The following ARNT2 variants were observed in gnomAD, a reference collection of about 807,000 sequenced individuals.
ARNT2 encodes ARNT protein 2.
In ARNT2, 36 loss-of-function variants were observed where a neutral mutation model predicts 91.7. The ratio of observed to expected loss-of-function variants is 0.39; its 90% CI spans 0.30 to 0.52. The LOEUF is 0.52. Among genes scored for constraint, ARNT2 ranks in the 20% least tolerant of loss-of-function variants. ARNT2 has a pLI of 0.72. For synonymous variants in ARNT2, 365 were observed against 347.1 expected (o/e 1.05, Z -0.57); for missense variants, 775 against 939.3 (o/e 0.83, Z 2.29).
At chr15:80,508,361 G>C (rs28413079) in intron 6 of ARNT2, 103 bp downstream of exon 6, 2 of 1,105,200 alleles carry the variant, frequency 1.8e-6, no homozygotes, top group Non-Finnish European at 1.4e-6. Context: ...ACATGCCAAC[G>C]TGGGTTCACT....
intron 2 of ARNT2, among the ~76,000 whole-genome samples, chr15:80,454,581 C>G (rs571367279): frequency 6.6e-6 from 1 of 152,328 alleles, no homozygotes; most frequent in African/African-American, 2.4e-5. Context: ...CTTTTATGTG[C>G]TAGCATTGCT....
chr15:80,415,724 A>G (rs1206728322), intron 1 of ARNT2, among the ~76,000 whole-genome samples: 1 of 152,218 alleles, frequency 6.6e-6, no homozygotes, highest in Non-Finnish European at 1.5e-5. Flanking sequence ...CAAGAGAGTA[A>G]GTGATGGACC....
chr15:80,524,731 T>C (rs369634006), intron 8 of ARNT2, among the ~76,000 whole-genome samples: 1,631 of 151,960 alleles, frequency 0.011, 20 homozygotes, highest in East Asian at 0.046. Flanking sequence ...AAAAATTAGC[T>C]GGGCGTGGTG....
rs541754310 is a variant in ARNT2, at chr15:80,579,305, A to T, written c.1614-1106A>T. ...AGAATGGGAAAGGAGCCCTTATGTT[A>T]AATGAGGAATTGATTGTATGAAGAC... is the stretch of plus-strand genomic sequence containing the variant. On this transcript the variant is annotated intron_variant, in intron 15 of 18. Coordinates refer to ENST00000303329, the MANE Select transcript of ARNT2 (RefSeq NM_014862.4). 4.6e-5 allele frequency among the ~76,000 whole-genome samples: 7 copies of T among 152,346 alleles called. No individual in the cohort carries two copies. The South Asian group carries it at 1.4e-3, about 32-fold the overall frequency.
chr15:80,520,024 G>A (rs779040423), intron 8 of ARNT2, among the ~76,000 whole-genome samples: 2 of 125,706 alleles, frequency 1.6e-5, no homozygotes, highest in Non-Finnish European at 1.7e-5. Context: ...TTAAATCTTT[G>A]TACCTATCTT....
chr15:80,429,196 A>G (rs1296166078), intron 1 of ARNT2, among the ~76,000 whole-genome samples: 3 of 152,176 alleles, frequency 2.0e-5, no homozygotes, highest in African/African-American at 7.2e-5. Flanking sequence ...TGTATTAATG[A>G]GATGACCTGT....
At chr15:80,593,064 A>G (rs929693212) in intron 18 of ARNT2, among the ~76,000 whole-genome samples, 1 of 152,242 alleles carries the variant, frequency 6.6e-6, no homozygotes, top group East Asian at 1.9e-4. Context: ...AAGAAACTAA[A>G]ATAGTGCTAT....
chr15:80,485,373 T>C (rs1226277530), intron 5 of ARNT2, among the ~76,000 whole-genome samples: 3 of 152,236 alleles, frequency 2.0e-5, no homozygotes, highest in African/African-American at 7.2e-5. Context: ...CCAGCATGTA[T>C]TTAGTGAGTA....
intron 6 of ARNT2, 95 bp downstream of exon 6, chr15:80,508,353 A>C (rs542247980): frequency 8.2e-7 from 1 of 1,221,816 alleles, no homozygotes; most frequent in African/African-American, 1.5e-5. Context: ...GCAGTCACAC[A>C]TGCCAACGTG....
At chr15:80,422,142 A>G (rs1895869738) in intron 1 of ARNT2, among the ~76,000 whole-genome samples, 1 of 152,144 alleles carries the variant, frequency 6.6e-6, no homozygotes, top group South Asian at 2.1e-4. Context: ...AGAACAGGGA[A>G]GTTAGGTGTA....
At chr15:80,459,433 C>G (rs1239525112) in intron 3 of ARNT2, among the ~76,000 whole-genome samples, 1 of 152,188 alleles carries the variant, frequency 6.6e-6, no homozygotes, top group Non-Finnish European at 1.5e-5. Context: ...AGTTTGCTCT[C>G]GCTGTACACA....
chr15:80,541,701 G>T (rs1278115044), intron 8 of ARNT2, among the ~76,000 whole-genome samples: 2 of 152,136 alleles, frequency 1.3e-5, no homozygotes, highest in Non-Finnish European at 2.9e-5. Context: ...ACTTTTAAAG[G>T]TCATGTACTG....
At chr15:80,441,487 C>G in intron 1 of ARNT2, 1 of 747,952 alleles carries the variant, frequency 1.3e-6, no homozygotes, top group Non-Finnish European at 1.6e-6. Flanking sequence ...CACCCCCCTC[C>G]CAGCCATGGA....
chr15:80,489,205 C>G (rs967092730), intron 5 of ARNT2, among the ~76,000 whole-genome samples: 7 of 152,188 alleles, frequency 4.6e-5, no homozygotes, highest in Non-Finnish European at 8.8e-5. Context: ...TTAGCTTCAC[C>G]AAAGACAGAC....
chr15:80,414,101 T>C (rs1367281813), intron 1 of ARNT2, among the ~76,000 whole-genome samples: 1 of 152,202 alleles, frequency 6.6e-6, no homozygotes, highest in Non-Finnish European at 1.5e-5. Context: ...GTCTTTCTTA[T>C]CTTCAATAGA....
At chr15:80,423,012 T>C (rs559318584) in intron 1 of ARNT2, among the ~76,000 whole-genome samples, 1 of 152,332 alleles carries the variant, frequency 6.6e-6, no homozygotes, top group Non-Finnish European at 1.5e-5. Context: ...TTATATTATG[T>C]AGTTAAAAAC....
chr15:80,565,473 C>A (rs1026538203), intron 12 of ARNT2, among the ~76,000 whole-genome samples: 12 of 151,972 alleles, frequency 7.9e-5, no homozygotes, highest in Non-Finnish European at 1.6e-4. Flanking sequence ...ACATTCCCAT[C>A]ATCAGTGTGT....
Position 80,404,480 on chromosome 15 carries a change from C to T in ARNT2, c.-36C>T. The T allele has an allele frequency of 8.2e-7, 1 of 1,220,980 alleles. No individual in the cohort carries two copies. Among genetic ancestry groups the T allele is most frequent in the Non-Finnish European group, 1.0e-6 (1 of 961,530 alleles). 75.6% of individuals were successfully genotyped at this position (1,220,980 alleles called of 1,614,324 possible). A position where few individuals can be genotyped will look rare whatever the true frequency, so the allele number is the denominator to read the frequency against. ...CGGGCTCCGCGCCGCCCCTCCCGCG[C>T]CCCTGCCAAGCGGGCGCCTATCCTC... On this transcript the variant is annotated 5_prime_UTR_variant, in exon 1 of 19. Transcript: ENST00000303329. This position sits in a 1 kb window ranked among gnomAD's most constrained non-coding sequence, Gnocchi z 5.5.
chr15:80,493,997 C>T (rs1405706625), intron 5 of ARNT2, among the ~76,000 whole-genome samples: 2 of 152,190 alleles, frequency 1.3e-5, no homozygotes, highest in African/African-American at 4.8e-5. Context: ...TCCCTCTTTG[C>T]TTCTGCCATG....
Sources: allele counts gnomAD v4.1 joint callset (sites outside exome capture counted in the v4.1 genomes callset), GRCh38; gene constraint gnomAD v4.1.1; non-coding constraint Gnocchi (gnomAD v3.1); transcripts MANE v1.5; gene names NCBI Gene and HGNC (gene_info 2026-07-23, HGNC 2026-07-21).